Variants in VPS13A observed in about 807,000 individuals in gnomAD.
VPS13A encodes intermembrane lipid transfer protein VPS13A.
A neutral mutation model predicts 390.9 loss-of-function variants in VPS13A; 264 were observed. The ratio of observed to expected loss-of-function variants is 0.68; its 90% CI spans 0.61 to 0.75. The LOEUF is 0.75. Ranked by LOEUF, VPS13A falls within the 30% of genes least tolerant of loss-of-function variation. The probability of loss-of-function intolerance (pLI) is 0.00; values close to 1 mark genes in which losing one functional copy is unlikely to be tolerated. For missense variants in VPS13A, 3,409 were observed against 3,733.9 expected (o/e 0.91, Z 2.27); for synonymous variants, 1,231 against 1,227.1 (o/e 1.00, Z -0.07).
chr9:77,219,536 T>G (rs2131174433), intron 10 of VPS13A, among the ~76,000 whole-genome samples: 1 of 152,280 alleles, frequency 6.6e-6, no homozygotes, highest in East Asian at 1.9e-4. Context: ...CACAGATGGA[T>G]CTAGAGAAAT....
chr9:77,281,600 T>G (rs1827027885), intron 27 of VPS13A, among the ~76,000 whole-genome samples: 1 of 152,074 alleles, frequency 6.6e-6, no homozygotes, highest in Non-Finnish European at 1.5e-5. Flanking sequence ...TATCCAACAT[T>G]TCCTCTCTTA....
intron 5 of VPS13A, among the ~76,000 whole-genome samples, chr9:77,207,213 TTATATATATATATATA>T (rs61703004): frequency 8.3e-4 from 36 of 43,126 alleles, no homozygotes; most frequent in African/African-American, 1.6e-3. Flanking sequence ...TATTTAGATA[TTATATATATATATATA>T]TATATATATA....
intron 54 of VPS13A, among the ~76,000 whole-genome samples, chr9:77,354,856 C>T (rs1831677185): frequency 6.6e-6 from 1 of 152,160 alleles, no homozygotes; most frequent in Non-Finnish European, 1.5e-5. Flanking sequence ...ACTTGCTGTA[C>T]TGACATACTC....
chr9:77,199,806 GATT>G (rs1825217838), intron 1 of VPS13A, 136 bp from the exon 2 acceptor site: 3 of 653,114 alleles, frequency 4.6e-6, no homozygotes, highest in Admixed American at 3.1e-5. Flanking sequence ...GAGATAATAA[GATT>G]ATAGGCAGAT....
Position 77,272,303 on chromosome 9 carries a change from GA to G in VPS13A, c.2428-973del, listed in dbSNP as rs533433689. Among the ~76,000 whole-genome samples, 259 of 152,246 alleles carry G rather than the reference GA, an allele frequency of 1.7e-3. 1 individual carries two copies. The highest frequency in any genetic ancestry group is 8.5e-4 in the Non-Finnish European group (58 of 68,004). ...AGTGTAATGTCTTATCACCACTTTTGAAAATGGTTTGATAGTGCTCAATAAG... is the reference window on the plus strand; with the variant it reads ...AGTGTAATGTCTTATCACCACTTTTGAAATGGTTTGATAGTGCTCAATAAG... On this transcript the variant is annotated intron_variant, in intron 23 of 71. Coordinates refer to ENST00000360280, the MANE Select transcript of VPS13A (RefSeq NM_033305.3).
chr9:77,370,721 ACATGT>A, intron 65 of VPS13A, 143 bp downstream of exon 65: 1 of 1,367,694 alleles, frequency 7.3e-7, no homozygotes, highest in Non-Finnish European at 1.0e-6. Flanking sequence ...AGCATATAAA[ACATGT>A]CAGTAGCCTC....
chr9:77,267,601 C>T (rs137866303), intron 23 of VPS13A, among the ~76,000 whole-genome samples: 1 of 152,148 alleles, frequency 6.6e-6, no homozygotes, highest in Non-Finnish European at 1.5e-5. Flanking sequence ...AGGTGTCTGT[C>T]GACCCCTGCT....
In VPS13A at chr9:77,419,974, G is replaced by C. The variant is rs1393013450; in HGVS notation, c.*3968G>C. 2 of 152,124 alleles carry C rather than the reference G, an allele frequency of 1.3e-5. No homozygotes were observed. The highest frequency in any genetic ancestry group is 2.9e-5 in the Non-Finnish European group (2 of 68,032). The allele number at this position is 152,124 out of a possible 1,614,324, so 9.4% of individuals were successfully genotyped here. A position where few individuals can be genotyped will look rare whatever the true frequency, so the allele number is the denominator to read the frequency against. ...ACAGTGGATTTCCTCATTTCTTTAA[G>C]ATCCAAGTAGAAAATGTAAATAACT... On this transcript the variant is annotated 3_prime_UTR_variant, in exon 72 of 72. Coordinates refer to ENST00000360280, the MANE Select transcript of VPS13A (RefSeq NM_033305.3).
chr9:77,251,765 A>G (rs1476818294), intron 21 of VPS13A, among the ~76,000 whole-genome samples: 1 of 152,134 alleles, frequency 6.6e-6, no homozygotes, highest in African/African-American at 2.4e-5. Context: ...CCAATCAACA[A>G]CATCCAAGTA....
At chr9:77,396,152 T>C (rs1217340413) in intron 68 of VPS13A, among the ~76,000 whole-genome samples, 1 of 152,210 alleles carries the variant, frequency 6.6e-6, no homozygotes, top group Non-Finnish European at 1.5e-5. Flanking sequence ...CGTTAATTGA[T>C]GGTCTGCTGT....
At chr9:77,219,852 G>T (rs981346778) in intron 10 of VPS13A, 102 bp from the exon 11 acceptor site, 17 of 1,217,244 alleles carry the variant, frequency 1.4e-5, no homozygotes, top group Non-Finnish European at 1.8e-5. Context: ...TGTAGAAGGG[G>T]TATAAAATAA....
At chr9:77,187,176 A>ATGGTGT (rs1325093548) in intron 1 of VPS13A, among the ~76,000 whole-genome samples, 6 of 152,308 alleles carry the variant, frequency 3.9e-5, no homozygotes, top group Admixed American at 1.3e-4. Flanking sequence ...GTTGTGAATA[A>ATGGTGT]TGGTGTTATG....
intron 5 of VPS13A, among the ~76,000 whole-genome samples, chr9:77,208,618 C>G (rs1041216960): frequency 6.7e-6 from 1 of 150,334 alleles, no homozygotes; most frequent in Non-Finnish European, 1.5e-5. Flanking sequence ...GGTGTGATCT[C>G]GGCTCACTGC....
intron 46 of VPS13A, among the ~76,000 whole-genome samples, chr9:77,336,800 A>ATT (rs1830559591): frequency 1.5e-5 from 2 of 136,646 alleles, no homozygotes; most frequent in African/African-American, 5.5e-5. Flanking sequence ...CTATTTATCT[A>ATT]TCTTTTTTTT....
chr9:77,213,468 T>C (rs1826084761), intron 9 of VPS13A, among the ~76,000 whole-genome samples, 154 bp downstream of exon 9: 1 of 151,860 alleles, frequency 6.6e-6, no homozygotes, highest in African/African-American at 2.4e-5. Context: ...TGTGTAACTA[T>C]ACACAAACAT....
chr9:77,226,032 A>T (rs1244451146), intron 14 of VPS13A, 44 bp downstream of exon 14: 2 of 1,520,600 alleles, frequency 1.3e-6, no homozygotes, highest in South Asian at 1.1e-5. Context: ...TCTGAATTCC[A>T]TATAGATATG....
At chr9:77,398,779 C>T (rs1008837631) in intron 68 of VPS13A, among the ~76,000 whole-genome samples, 2 of 151,932 alleles carry the variant, frequency 1.3e-5, no homozygotes, top group Non-Finnish European at 2.9e-5. Context: ...TTATCTTTGA[C>T]GCTTTGACGT....
Position 77,421,535 on chromosome 9 carries a change from T to C in VPS13A, c.*5529T>C, listed in dbSNP as rs1025508648. On this transcript the variant is annotated 3_prime_UTR_variant, in exon 72 of 72. Transcript: ENST00000360280. ...CTTTGTCAAATAAAGATTTCTGATC[T>C]TTGGTCTGCTTCTGTTTTTAGTTTT... 6.6e-6 allele frequency: 1 copy of C among 152,234 alleles called. No individual in the cohort carries two copies. The highest frequency in any genetic ancestry group is 2.4e-5 in the African/African-American group (1 of 41,466). The allele number at this position is 152,234 out of a possible 1,614,324, so 9.4% of individuals were successfully genotyped here.
At chr9:77,378,341 G>C (rs1311972876) in intron 67 of VPS13A, among the ~76,000 whole-genome samples, 1 of 152,072 alleles carries the variant, frequency 6.6e-6, no homozygotes, top group Non-Finnish European at 1.5e-5. Flanking sequence ...CTTGGTAAAG[G>C]TCTAGTTAGG....
Sources: allele counts gnomAD v4.1 joint callset (sites outside exome capture counted in the v4.1 genomes callset), GRCh38; gene constraint gnomAD v4.1.1; transcripts MANE v1.5; gene names NCBI Gene and HGNC (gene_info 2026-07-23, HGNC 2026-07-21).